Variants in TENM2 observed in about 807,000 individuals in gnomAD.
The protein encoded by TENM2 is teneurin transmembrane protein 2, also known as teneurin-2.
TENM2 carries 52 observed loss-of-function variants against 245.2 expected under a neutral mutation model. The observed-to-expected ratio is 0.21, with a 90% confidence interval of 0.17 to 0.27. The LOEUF is 0.27. TENM2 is among the 10% of genes least tolerant of loss of function. TENM2 has a pLI of 1.00. For missense variants in TENM2, 3,046 were observed against 3,666.8 expected, an observed-to-expected ratio of 0.83 and a Z score of 4.37; for synonymous variants, 1,363 against 1,438.9, an observed-to-expected ratio of 0.95 and a Z score of 1.19.
chr5:167,993,309 T>A, intron 5 of TENM2, 127 bp downstream of exon 7: 1 of 694,726 alleles, frequency 1.4e-6, no homozygotes, highest in Non-Finnish European at 2.4e-6. Flanking sequence ...AAAGATGTGA[T>A]AATGAGTGAT....
intron 2 of TENM2, among the ~76,000 whole-genome samples, chr5:167,523,682 C>A (rs1770921153): frequency 6.6e-6 from 1 of 152,068 alleles, no homozygotes; most frequent in Admixed American, 6.6e-5. Flanking sequence ...TTTGAGAGAG[C>A]ACTTTGTAAC....
chr5:167,679,297 C>T (rs1756542255), intron 2 of TENM2, among the ~76,000 whole-genome samples: 1 of 151,980 alleles, frequency 6.6e-6, no homozygotes, highest in African/African-American at 2.4e-5. Context: ...CTTATTTTTC[C>T]ATATTCATAT....
the TENM2 span, among the ~76,000 whole-genome samples, chr5:167,018,985 G>A: frequency 6.6e-6 from 1 of 152,046 alleles, no homozygotes; most frequent in Non-Finnish European, 1.5e-5. Flanking sequence ...GGAAATGAAG[G>A]GTTTAAAAAT....
At chr5:167,122,976 C>A in the TENM2 span, among the ~76,000 whole-genome samples, 2 of 152,122 alleles carry the variant, frequency 1.3e-5, no homozygotes, top group Non-Finnish European at 2.9e-5. Context: ...CTTCAGAATT[C>A]ACTTCTTCTT....
chr5:167,421,262 A>G (rs1325848650), intron 2 of TENM2, among the ~76,000 whole-genome samples: 1 of 152,202 alleles, frequency 6.6e-6, no homozygotes, highest in Non-Finnish European at 1.5e-5. Flanking sequence ...GACAATAGCA[A>G]TAAAGGTAAT....
At chr5:167,600,207 G>C (rs1439866250) in intron 2 of TENM2, among the ~76,000 whole-genome samples, 1 of 151,426 alleles carries the variant, frequency 6.6e-6, no homozygotes, top group African/African-American at 2.4e-5. Context: ...TCTCCCTAAT[G>C]GTATGTTCCT....
chr5:167,865,213 G>C (rs897144309), intron 2 of TENM2, among the ~76,000 whole-genome samples: 2 of 152,186 alleles, frequency 1.3e-5, no homozygotes, highest in African/African-American at 4.8e-5. Flanking sequence ...CATTTCCCCA[G>C]TAGCTCCTGA....
rs181166780 is a variant in TENM2, at chr5:167,617,396, C to A, written c.502+241923C>A. Among the ~76,000 whole-genome samples, 12 of 152,264 alleles carry A rather than the reference C, an allele frequency of 7.9e-5. No individual in the cohort carries two copies. In the East Asian group the frequency reaches 2.3e-3, roughly 29 times the overall value. Reference sequence around the variant, plus strand: ...GATCTTGGAGAAAACTGAAGGAAGGCTACATGAGAACTCTCTGTTTTTGCA... The same window carrying A: ...GATCTTGGAGAAAACTGAAGGAAGGATACATGAGAACTCTCTGTTTTTGCA... On this transcript the variant is annotated intron_variant, in intron 2 of 28. Coordinates refer to ENST00000518659, the Ensembl canonical transcript of TENM2.
At chr5:167,293,508 C>A (rs575949965) in intron 1 of TENM2, among the ~76,000 whole-genome samples, 17 of 151,938 alleles carry the variant, frequency 1.1e-4, no homozygotes, top group Middle Eastern at 3.4e-3. Context: ...GCATGAGCCA[C>A]CGCACCTGGC....
chr5:167,317,023 T>A (rs1164857952), intron 1 of TENM2, among the ~76,000 whole-genome samples: 1 of 152,142 alleles, frequency 6.6e-6, no homozygotes, highest in Non-Finnish European at 1.5e-5. Context: ...CATCCCTTGG[T>A]CACTTTTCAG....
chr5:167,313,879 A>T (rs1756191417), intron 1 of TENM2, among the ~76,000 whole-genome samples: 2 of 152,340 alleles, frequency 1.3e-5, no homozygotes, highest in South Asian at 4.1e-4. Context: ...GTACAAATAA[A>T]GGTGAATCAA....
chr5:167,682,010 A>T (rs1370265756), intron 2 of TENM2, among the ~76,000 whole-genome samples: 1 of 151,958 alleles, frequency 6.6e-6, no homozygotes, highest in Non-Finnish European at 1.5e-5. Context: ...AAGCACACAC[A>T]CAAAGAGAGA....
intron 2 of TENM2, among the ~76,000 whole-genome samples, chr5:167,466,882 C>T (rs1721043212): frequency 6.6e-6 from 1 of 152,154 alleles, no homozygotes; most frequent in Non-Finnish European, 1.5e-5. Flanking sequence ...GCTCCAACTG[C>T]ACAGTGATTC....
At chr5:167,317,213 G>A (rs1756416156) in intron 1 of TENM2, among the ~76,000 whole-genome samples, 1 of 152,108 alleles carries the variant, frequency 6.6e-6, no homozygotes, top group Non-Finnish European at 1.5e-5. Flanking sequence ...CCTTCAGTAG[G>A]TTCATGATTC....
At chr5:167,313,825 A>C (rs1756189245) in intron 1 of TENM2, among the ~76,000 whole-genome samples, 1 of 152,226 alleles carries the variant, frequency 6.6e-6, no homozygotes, top group Non-Finnish European at 1.5e-5. Flanking sequence ...TTAGTACTAA[A>C]GTAAGAAAAT....
chr5:167,452,968 A>ATATATATAT (rs1765702682), intron 2 of TENM2, among the ~76,000 whole-genome samples: 1 of 32,476 alleles, frequency 3.1e-5, no homozygotes, highest in Non-Finnish European at 6.3e-5. Context: ...TATATTTAAA[A>ATATATATAT]AAAAAAACAC....
chr5:167,894,484 T>G (rs1775015217), intron 3 of TENM2, among the ~76,000 whole-genome samples: 1 of 152,144 alleles, frequency 6.6e-6, no homozygotes, highest in Admixed American at 6.5e-5. Flanking sequence ...TTCTTTGCAT[T>G]CTTTGGAAAC....
At chr5:168,159,284 T>A (rs1022078429) in intron 12 of TENM2, among the ~76,000 whole-genome samples, 5 of 152,258 alleles carry the variant, frequency 3.3e-5, no homozygotes, top group African/African-American at 9.6e-5. Context: ...GGCAGCCAGC[T>A]CTCTCTAGCT....
At chr5:167,360,866 G>A (rs865832246) in intron 1 of TENM2, among the ~76,000 whole-genome samples, 3 of 152,236 alleles carry the variant, frequency 2.0e-5, no homozygotes, top group Non-Finnish European at 4.4e-5. Flanking sequence ...AGTGGAATAG[G>A]AATTCAAACT....
Sources: gnomAD v4.1 joint callset for allele counts (sites outside exome capture counted in the v4.1 genomes callset) on GRCh38, gnomAD v4.1.1 for gene constraint, MANE v1.5 for transcripts, NCBI Gene and HGNC (gene_info 2026-07-23, HGNC 2026-07-21) for gene names.